PCDHA2: variants seen among roughly 807,000 people sequenced by gnomAD.
The protein encoded by PCDHA2 is protocadherin alpha 2.
In PCDHA2, 58 loss-of-function variants were observed where a neutral mutation model predicts 66.0. That is an observed-to-expected ratio of 0.88 (90% CI 0.71 to 1.09). The LOEUF is 1.09. Ranked by LOEUF, PCDHA2 falls within the 50% of genes least tolerant of loss-of-function variation. The probability of loss-of-function intolerance (pLI) is 0.00; values close to 1 mark genes in which losing one functional copy is unlikely to be tolerated. For synonymous variants in PCDHA2, 634 were observed against 554.0 expected, an observed-to-expected ratio of 1.14 and a Z score of -2.03; for missense variants, 1,267 against 1,242.3, an observed-to-expected ratio of 1.02 and a Z score of -0.30.
At chr5:140,870,099 C>T in intron 1 of PCDHA2, 8 of 1,613,912 alleles carry the variant, frequency 5.0e-6, no homozygotes, top group Non-Finnish European at 6.8e-6. Context: ...TGGCAGGTCA[C>T]TGTACAGTCT....
intron 3 of PCDHA2, among the ~76,000 whole-genome samples, chr5:141,005,506 A>G (rs1462164149): frequency 1.3e-5 from 2 of 151,786 alleles, no homozygotes; most frequent in East Asian, 3.9e-4. Flanking sequence ...GATCGAGACC[A>G]TCCTGGCTAA....
chr5:140,817,143 T>A (rs1554127220), intron 1 of PCDHA2: 1 of 152,238 alleles, frequency 6.6e-6, no homozygotes, highest in African/African-American at 2.4e-5. Flanking sequence ...ATATGCCAGG[T>A]TCCATCAGTG....
intron 1 of PCDHA2, among the ~76,000 whole-genome samples, chr5:140,832,809 G>A (rs1166207939): frequency 6.6e-6 from 1 of 152,088 alleles, no homozygotes; most frequent in African/African-American, 2.4e-5. Flanking sequence ...ATTGGAATTG[G>A]AAAAAAATCT....
At chr5:140,970,585 T>G (rs1554232585) in intron 1 of PCDHA2, among the ~76,000 whole-genome samples, 2 of 152,244 alleles carry the variant, frequency 1.3e-5, no homozygotes, top group Non-Finnish European at 2.9e-5. Context: ...ATAACAGAGA[T>G]ATGCTTTGTG....
intron 1 of PCDHA2, among the ~76,000 whole-genome samples, chr5:140,881,608 C>T (rs1254695632): frequency 6.6e-6 from 1 of 152,154 alleles, no homozygotes; most frequent in Non-Finnish European, 1.5e-5. Flanking sequence ...ATATGATGTG[C>T]TTATTCAAAA....
chr5:140,829,386 C>A, intron 1 of PCDHA2: 1 of 1,614,034 alleles, frequency 6.2e-7, no homozygotes, highest in Non-Finnish European at 8.5e-7. Flanking sequence ...GACGGGGGCT[C>A]GCCTTCGCTG....
intron 1 of PCDHA2, chr5:140,876,989 G>T (rs781957201): frequency 1.2e-6 from 2 of 1,612,664 alleles, no homozygotes; most frequent in South Asian, 1.1e-5. Context: ...GCACTGTCGA[G>T]CTACGTGTCG....
intron 1 of PCDHA2, chr5:140,807,251 G>A (rs782583105): frequency 1.9e-6 from 3 of 1,614,202 alleles, no homozygotes; most frequent in Non-Finnish European, 1.7e-6. Context: ...TCTTCTCCTC[G>A]CAGCCTGGGA....
intron 1 of PCDHA2, chr5:140,869,665 C>G: frequency 6.2e-7 from 1 of 1,613,338 alleles, no homozygotes; most frequent in Non-Finnish European, 8.5e-7. Flanking sequence ...AAATGGTAAG[C>G]AGATTAAAAG....
intron 1 of PCDHA2, among the ~76,000 whole-genome samples, chr5:140,975,653 A>T (rs2096676885): frequency 6.6e-6 from 1 of 152,230 alleles, no homozygotes; most frequent in South Asian, 2.1e-4. Context: ...TATTTCATTG[A>T]GTAGTTGTGT....
intron 1 of PCDHA2, among the ~76,000 whole-genome samples, chr5:140,800,336 G>A (rs1470267500): frequency 1.3e-5 from 2 of 152,178 alleles, no homozygotes; most frequent in East Asian, 1.9e-4. Flanking sequence ...CAGTTGATGA[G>A]GCTATAGTTC....
In PCDHA2 at chr5:140,955,830, T is replaced by G. The variant is rs564870909; in HGVS notation, c.2389-23119T>G. Among the ~76,000 whole-genome samples, 9 of 152,318 alleles carry G rather than the reference T, an allele frequency of 5.9e-5. No individual in the cohort carries two copies. The South Asian group carries it at 1.9e-3, about 32-fold the overall frequency. Reference sequence around the variant, plus strand: ...TGTCCACTGTGATTTCCTTGAGCAGTGGTTTGTCATTCTCCTTGAAGAGGT... The same window carrying G: ...TGTCCACTGTGATTTCCTTGAGCAGGGGTTTGTCATTCTCCTTGAAGAGGT... On this transcript the variant is annotated intron_variant, in intron 1 of 3. Coordinates refer to ENST00000526136, the MANE Select transcript of PCDHA2 (RefSeq NM_018905.3).
At position 140,997,438 on chromosome 5, in the gene PCDHA2, A is replaced by G. The variant is rs182158337; in HGVS notation, c.2537-12189A>G. ...CTCCTAGGCTACAAACCTGTATATC[A>G]TGTTACTATACTGAATACTGTAGGC... On this transcript the variant is annotated intron_variant, in intron 3 of 3. Transcript: ENST00000526136. Among the ~76,000 whole-genome samples, 274 of 152,308 alleles carry G rather than the reference A, an allele frequency of 1.8e-3. 2 individuals are homozygous for G. The highest frequency in any genetic ancestry group is 6.0e-3 in the African/African-American group (248 of 41,560).
chr5:140,854,042 G>A lies in PCDHA2; in HGVS notation c.2388+56690G>A, dbSNP rs1005442587. 1.8e-5 allele frequency: 5 copies of A among 285,684 alleles called. 1 individual carries two copies. The highest frequency in any genetic ancestry group is 2.7e-5 in the Non-Finnish European group (5 of 185,908). The allele number at this position is 285,684 out of a possible 1,614,324, so 17.7% of individuals were successfully genotyped here. A position where few individuals can be genotyped will look rare whatever the true frequency, so the allele number is the denominator to read the frequency against. On this transcript the variant is annotated intron_variant, in intron 1 of 3. Coordinates refer to ENST00000526136, the MANE Select transcript of PCDHA2 (RefSeq NM_018905.3). ...CCGGGCATGGTGGCACACATCTCTA[G>A]TCCCAATTACTCAGGAGGCTGAGGC...
At chr5:140,841,713 C>G in intron 1 of PCDHA2, 2 of 1,613,888 alleles carry the variant, frequency 1.2e-6, no homozygotes, top group Non-Finnish European at 1.7e-6. Context: ...GACAACCCGC[C>G]AGTGTTCCGG....
intron 1 of PCDHA2, among the ~76,000 whole-genome samples, chr5:140,944,359 T>C (rs1248806355): frequency 6.6e-6 from 1 of 152,092 alleles, no homozygotes; most frequent in African/African-American, 2.4e-5. Context: ...GGCTAATTTT[T>C]AATTTTTTAT....
chr5:140,915,453 A>G (rs963973003), intron 1 of PCDHA2, among the ~76,000 whole-genome samples: 13 of 152,232 alleles, frequency 8.5e-5, no homozygotes, highest in African/African-American at 2.9e-4. Context: ...AAGGTTTTCC[A>G]GAAGGTTTTT....
chr5:140,954,284 C>G (rs1719232084), intron 1 of PCDHA2, among the ~76,000 whole-genome samples: 1 of 152,158 alleles, frequency 6.6e-6, no homozygotes, highest in South Asian at 2.1e-4. Context: ...ATTTATATTC[C>G]TTTGGGTACA....
At chr5:141,006,813 T>C (rs1171771789) in intron 3 of PCDHA2, among the ~76,000 whole-genome samples, 1 of 152,018 alleles carries the variant, frequency 6.6e-6, no homozygotes, top group African/African-American at 2.4e-5. Flanking sequence ...GCTTGAGAAA[T>C]GGGGTAAATG....
Sources: allele counts gnomAD v4.1 joint callset (sites outside exome capture counted in the v4.1 genomes callset), GRCh38; gene constraint gnomAD v4.1.1; transcripts MANE v1.5; gene names NCBI Gene and HGNC (gene_info 2026-07-23, HGNC 2026-07-21).